TLE4: variants seen among roughly 807,000 people sequenced by gnomAD.
TLE4 encodes transducin-like enhancer protein 4.
In TLE4, 8 loss-of-function variants were observed where a neutral mutation model predicts 92.8. That is an observed-to-expected ratio of 0.09 (90% CI 0.05 to 0.16). The LOEUF (loss-of-function observed/expected upper bound fraction) is 0.16, where lower values mean the gene tolerates loss of function less well. Among genes scored for constraint, TLE4 ranks in the 10% least tolerant of loss-of-function variants. TLE4 has a pLI of 1.00. For missense variants in TLE4, 675 were observed against 997.6 expected, an observed-to-expected ratio of 0.68 and a Z score of 4.36; for synonymous variants, 371 against 374.1, an observed-to-expected ratio of 0.99 and a Z score of 0.10.
chr9:79,572,656 C>A lies in TLE4; in HGVS notation c.-135C>A, dbSNP rs2036114726. ...GCCGCCCGTGTCACGCGAGACCCGG[C>A]GGGGGCCGGGACCGCCCGAGCCGCC... is the stretch of plus-strand genomic sequence containing the variant. On this transcript the variant is annotated 5_prime_UTR_variant, in exon 1 of 20. Coordinates refer to ENST00000376552, the MANE Select transcript of TLE4 (RefSeq NM_007005.6). 1 of 608,232 alleles carries A rather than the reference C, an allele frequency of 1.6e-6. No individual in the cohort carries two copies. Among genetic ancestry groups the A allele is most frequent in the Non-Finnish European group, 2.5e-6 (1 of 398,670 alleles). The allele number at this position is 608,232 out of a possible 1,614,324, so 37.7% of individuals were successfully genotyped here. A position where few individuals can be genotyped will look rare whatever the true frequency, so the allele number is the denominator to read the frequency against.
chr9:79,708,158 C>A lies in TLE4; in HGVS notation c.977C>A (p.Pro326His). Residue 326 changes from proline (P) to histidine (H), a missense_variant, in exon 12 of 20, where the codon CCT becomes CAT. Pro to His is a moderately conservative substitution (Grantham distance 77). Coordinates refer to ENST00000376552, the MANE Select transcript of TLE4 (RefSeq NM_007005.6). The part of the protein sequence containing the change: ...STTPVSKSNT[P>H]TPRTDAPTPG... ...ACTCCCGTCTCAAAGTCCAATACCC[C>A]TACTCCACGAACTGATGCGCCCACC... 1 of 1,614,126 alleles carries A rather than the reference C, an allele frequency of 6.2e-7. No homozygotes were observed. Among genetic ancestry groups the A allele is most frequent in the Non-Finnish European group, 8.5e-7 (1 of 1,179,980 alleles).
At position 79,720,418 on chromosome 9, in the gene TLE4, GTGTGTGTAAAGTGATATAATTATCTTAC is replaced by G; in HGVS notation, c.1838+127_1838+154del. ...TGTGTGTGTGTGTGTGTGTGTGTGT[GTGTGTGTAAAGTGATATAATTATCTTAC>G]TAAAAATTGTTCAGAACAGGTCCAT... is the stretch of plus-strand genomic sequence containing the variant. On this transcript the variant is annotated intron_variant, in intron 16 of 19. Transcript: ENST00000376552. 4.5e-6 allele frequency: 5 copies of G among 1,112,268 alleles called. No individual in the cohort carries two copies. In the African/African-American group the frequency reaches 5.2e-5, roughly 12 times the overall value. The allele number at this position is 1,112,268 out of a possible 1,614,324, so 68.9% of individuals were successfully genotyped here. A position where few individuals can be genotyped will look rare whatever the true frequency, so the allele number is the denominator to read the frequency against.
At chr9:79,606,184 GTTGTTTTTTTT>G (rs1473560480) in intron 4 of TLE4, among the ~76,000 whole-genome samples, 5 of 18,362 alleles carry the variant, frequency 2.7e-4, no homozygotes, top group Admixed American at 6.5e-4. Context: ...AGCAGTAGTA[GTTGTTTTTTTT>G]TTTTTTTTTT....
rs1307262780 is a variant in TLE4 at position 79,649,939 on chromosome 9, AG to A, written c.391-2651del. The A allele has an allele frequency of 6.5e-6, 8 of 1,232,756 alleles. No homozygotes were observed. In the Admixed American group the frequency reaches 1.3e-4, roughly 20 times the overall value. The allele number at this position is 1,232,756 out of a possible 1,614,324, so 76.4% of individuals were successfully genotyped here. On this transcript the variant is annotated intron_variant, in intron 6 of 19. Coordinates refer to ENST00000376552, the MANE Select transcript of TLE4 (RefSeq NM_007005.6). ...TTGTTTTTTGTTTTTTTTTTGAGAC[AG>A]GGTTTCACTCTGTCACACAGGCTGG...
At chr9:79,722,714 A>AT in intron 18 of TLE4, 113 bp downstream of exon 18, 2 of 1,314,804 alleles carry the variant, frequency 1.5e-6, no homozygotes, top group Non-Finnish European at 2.1e-6. Context: ...CCTCTTCAGA[A>AT]TTCTATTACT....
Position 79,725,081 on chromosome 9 carries a change from C to T in TLE4, c.2259C>T (p.Asp753=), listed in dbSNP as rs61742570. 99 of 1,613,832 alleles carry T rather than the reference C, an allele frequency of 6.1e-5. No individual in the cohort carries two copies. The East Asian group carries it at 1.5e-3, about 25-fold the overall frequency. The change falls in exon 20 of 20, where the codon GAC becomes GAT. Residue 753 remains aspartate, a synonymous_variant. Coordinates refer to ENST00000376552, the MANE Select transcript of TLE4 (RefSeq NM_007005.6). ...SSVLSCDISV[D]DKYIVTGSGD... is the part of the protein sequence containing the mutation. Reference sequence around the variant, plus strand: ...TGCTTAGCTGTGACATCTCCGTGGACGACAAATACATTGTCACTGGCTCTG... The same window carrying T: ...TGCTTAGCTGTGACATCTCCGTGGATGACAAATACATTGTCACTGGCTCTG...
intron 6 of TLE4, among the ~76,000 whole-genome samples, chr9:79,634,888 C>T (rs530221903): frequency 1.3e-5 from 2 of 152,264 alleles, no homozygotes; most frequent in South Asian, 4.1e-4. Context: ...TCTGTTCACT[C>T]CTTAAAGGAC....
At chr9:79,587,298 A>G (rs1405060646) in intron 4 of TLE4, among the ~76,000 whole-genome samples, 1 of 152,216 alleles carries the variant, frequency 6.6e-6, no homozygotes, top group Non-Finnish European at 1.5e-5. Flanking sequence ...GCCTGGCTTT[A>G]TGCTGAGCAA....
intron 1 of TLE4, among the ~76,000 whole-genome samples, chr9:79,573,087 C>T (rs958608351): frequency 6.6e-6 from 1 of 152,024 alleles, no homozygotes; most frequent in East Asian, 1.9e-4. Context: ...GAAGCCGCGC[C>T]GAGCCGTTTG....
At chr9:79,667,828 A>C (rs1281411310) in intron 8 of TLE4, among the ~76,000 whole-genome samples, 2 of 152,156 alleles carry the variant, frequency 1.3e-5, no homozygotes, top group African/African-American at 4.8e-5. Flanking sequence ...AGGATTAGTC[A>C]TGAAGATTCG....
chr9:79,722,932 GCCTTTTTCAAAA>G lies in TLE4; in HGVS notation c.2138-24_2138-13del. ...TGTCTGACAGAGTAACACAAACATT[GCCTTTTTCAAAA>G]CCCTTTACCTATAGGCAAATGGTTT... On this transcript the variant is annotated splice_polypyrimidine_tract_variant and intron_variant, in intron 18 of 19. Coordinates refer to ENST00000376552, the MANE Select transcript of TLE4 (RefSeq NM_007005.6). 6.2e-7 allele frequency: 1 copy of G among 1,608,178 alleles called. No individual in the cohort carries two copies. The highest frequency in any genetic ancestry group is 1.1e-5 in the South Asian group (1 of 90,674).
intron 19 of TLE4, among the ~76,000 whole-genome samples, chr9:79,723,289 A>G (rs988507335): frequency 6.6e-6 from 1 of 152,168 alleles, no homozygotes; most frequent in Non-Finnish European, 1.5e-5. Flanking sequence ...TTCATCATCA[A>G]TCCCTTTTTG....
intron 8 of TLE4, among the ~76,000 whole-genome samples, chr9:79,676,717 C>T (rs1417922414): frequency 6.6e-6 from 1 of 152,156 alleles, no homozygotes; most frequent in Non-Finnish European, 1.5e-5. Context: ...CGTCTGTTCT[C>T]TCTGAGCCTC....
chr9:79,695,601 G>T (rs1012527173), intron 8 of TLE4, among the ~76,000 whole-genome samples: 8 of 152,128 alleles, frequency 5.3e-5, no homozygotes, highest in Non-Finnish European at 1.2e-4. Flanking sequence ...TGATCCAAAC[G>T]GGCGTGGTCC....
intron 8 of TLE4, among the ~76,000 whole-genome samples, chr9:79,666,244 A>G (rs2061401023): frequency 7.6e-6 from 1 of 131,480 alleles, no homozygotes; most frequent in Admixed American, 8.3e-5. Context: ...TTTTTTGAGA[A>G]GGAGTCTCCC....
chr9:79,720,592 A>G (rs2075463363), intron 16 of TLE4, among the ~76,000 whole-genome samples: 1 of 152,132 alleles, frequency 6.6e-6, no homozygotes, highest in South Asian at 2.1e-4. Flanking sequence ...AATTTGTTTT[A>G]ATAAAATGAG....
chr9:79,649,815 TG>T, intron 6 of TLE4: 1 of 1,365,612 alleles, frequency 7.3e-7, no homozygotes, highest in Non-Finnish European at 9.8e-7. Flanking sequence ...TTTTTTATCC[TG>T]TAGGAGAAAA....
intron 6 of TLE4, 50 bp downstream of exon 6, chr9:79,627,498 C>T: frequency 6.4e-7 from 1 of 1,552,850 alleles, no homozygotes; most frequent in Non-Finnish European, 8.9e-7. Context: ...GTCATCAGCT[C>T]TCTCGCTCTC....
At position 79,725,886 on chromosome 9, in the gene TLE4, T is replaced by G. The variant is rs537887731; in HGVS notation, c.*742T>G. 2.0e-5 allele frequency: 3 copies of G among 152,766 alleles called. No individual in the cohort carries two copies. In the South Asian group the frequency reaches 6.2e-4, roughly 32 times the overall value. 9.5% of individuals were successfully genotyped at this position (152,766 alleles called of 1,614,324 possible). A position where few individuals can be genotyped will look rare whatever the true frequency, so the allele number is the denominator to read the frequency against. On this transcript the variant is annotated 3_prime_UTR_variant, in exon 20 of 20. Coordinates refer to ENST00000376552, the MANE Select transcript of TLE4 (RefSeq NM_007005.6). Reference sequence around the variant, plus strand: ...TCTTTGTAATATGTTTTTAGTTCCCTTTTTTTGTTGTATTATAGGCAGATG... The same window carrying G: ...TCTTTGTAATATGTTTTTAGTTCCCGTTTTTTGTTGTATTATAGGCAGATG...
Sources: allele counts gnomAD v4.1 joint callset (sites outside exome capture counted in the v4.1 genomes callset), GRCh38; gene constraint gnomAD v4.1.1; transcripts MANE v1.5; gene names NCBI Gene and HGNC (gene_info 2026-07-23, HGNC 2026-07-21).